The following SH3RF3 variants were observed in gnomAD, a reference collection of about 807,000 sequenced individuals.
SH3RF3 encodes SH3 domain containing ring finger 3.
SH3RF3 carries 29 observed loss-of-function variants against 66.3 expected under a neutral mutation model. The ratio of observed to expected loss-of-function variants is 0.44; its 90% CI spans 0.33 to 0.60. SH3RF3 has a LOEUF of 0.60. Ranked by LOEUF, SH3RF3 falls within the 20% of genes least tolerant of loss-of-function variation. SH3RF3 has a pLI of 0.04. For synonymous variants in SH3RF3, 583 were observed against 532.0 expected, an observed-to-expected ratio of 1.10 and a Z score of -1.32; for missense variants, 1,194 against 1,190.9, an observed-to-expected ratio of 1.00 and a Z score of -0.04.
At chr2:109,218,783 GT>G (rs1394048213) in intron 1 of SH3RF3, among the ~76,000 whole-genome samples, 1 of 152,184 alleles carries the variant, frequency 6.6e-6, no homozygotes, top group Admixed American at 6.5e-5. Context: ...TATATTTGCT[GT>G]TTCTTTAATG....
At chr2:109,155,978 C>T (rs1448606377) in intron 1 of SH3RF3, among the ~76,000 whole-genome samples, 2 of 152,226 alleles carry the variant, frequency 1.3e-5, no homozygotes, top group Non-Finnish European at 2.9e-5. Flanking sequence ...TCACTGAGCT[C>T]TGCAGGGATT....
intron 1 of SH3RF3, among the ~76,000 whole-genome samples, chr2:109,328,590 T>C (rs1574576606): frequency 6.6e-6 from 1 of 152,274 alleles, no homozygotes; most frequent in East Asian, 1.9e-4. Flanking sequence ...ATCATCTTTG[T>C]ACTTTCTAAT....
intron 5 of SH3RF3, among the ~76,000 whole-genome samples, chr2:109,428,566 G>A (rs1354112989): frequency 3.3e-5 from 5 of 152,222 alleles, no homozygotes; most frequent in Non-Finnish European, 7.3e-5. Flanking sequence ...GCCTGGAGGA[G>A]GCTGTACTTG....
chr2:109,417,300 G>A (rs897435358), intron 4 of SH3RF3, among the ~76,000 whole-genome samples: 4 of 152,162 alleles, frequency 2.6e-5, no homozygotes, highest in African/African-American at 7.2e-5. Flanking sequence ...CTCCATGGAT[G>A]GTGACTCATG....
chr2:109,475,839 C>T (rs1024913214), intron 8 of SH3RF3, among the ~76,000 whole-genome samples: 9 of 152,228 alleles, frequency 5.9e-5, no homozygotes, highest in African/African-American at 2.2e-4. Context: ...GCCTGGCTGC[C>T]TCTACCTTGG....
intron 1 of SH3RF3, chr2:109,141,587 C>T (rs1676950630): frequency 6.5e-6 from 1 of 154,924 alleles, no homozygotes; most frequent in Admixed American, 6.5e-5. Context: ...CAACCCACTG[C>T]ACTTTTCTCT....
At chr2:109,139,156 C>T (rs1302031056) in intron 1 of SH3RF3, among the ~76,000 whole-genome samples, 1 of 152,162 alleles carries the variant, frequency 6.6e-6, no homozygotes, top group African/African-American at 2.4e-5. Context: ...CCCAAATCTG[C>T]GTAACTTAAA....
chr2:109,493,842 C>T (rs1436259325), intron 9 of SH3RF3, among the ~76,000 whole-genome samples: 2 of 152,098 alleles, frequency 1.3e-5, no homozygotes, highest in Non-Finnish European at 2.9e-5. Context: ...ATCAAGCAAC[C>T]ACATAATACA....
intron 1 of SH3RF3, among the ~76,000 whole-genome samples, chr2:109,166,162 T>C (rs984506080): frequency 6.6e-6 from 1 of 152,096 alleles, no homozygotes. Flanking sequence ...GTTGGCTTTT[T>C]CCCTCAGTGC....
intron 2 of SH3RF3, among the ~76,000 whole-genome samples, chr2:109,370,243 TTC>T: frequency 7.5e-6 from 1 of 133,378 alleles, no homozygotes; most frequent in East Asian, 3.1e-4. Context: ...CTCTCTCTTT[TTC>T]TTTTTTTTTT....
At chr2:109,427,524 G>A (rs548410751) in intron 5 of SH3RF3, among the ~76,000 whole-genome samples, 5 of 152,170 alleles carry the variant, frequency 3.3e-5, no homozygotes, top group Non-Finnish European at 7.4e-5. Flanking sequence ...GCTCCAGGGT[G>A]AGGCCCCAGA....
intron 5 of SH3RF3, among the ~76,000 whole-genome samples, chr2:109,431,316 T>C (rs1159399134): frequency 6.6e-6 from 1 of 152,226 alleles, no homozygotes; most frequent in African/African-American, 2.4e-5. Context: ...GGTCTCTTAG[T>C]GAACTGAGGC....
chr2:109,490,461 C>G, intron 8 of SH3RF3, 144 bp from the exon 9 acceptor site: 1 of 683,184 alleles, frequency 1.5e-6, no homozygotes, highest in Non-Finnish European at 2.2e-6. Context: ...ACTGCTGTTG[C>G]TGTGAGTGGT....
intron 2 of SH3RF3, among the ~76,000 whole-genome samples, chr2:109,361,322 C>T (rs369532749): frequency 2.0e-5 from 3 of 152,122 alleles, no homozygotes; most frequent in Non-Finnish European, 4.4e-5. Flanking sequence ...ATTAGGGTAA[C>T]GTTAACCTCA....
Position 109,502,612 on chromosome 2 carries a change from G to A in SH3RF3, c.*941G>A, listed in dbSNP as rs1456786496. 1 of 152,184 alleles carries A rather than the reference G, an allele frequency of 6.6e-6. No homozygotes were observed. Among genetic ancestry groups the A allele is most frequent in the Non-Finnish European group, 1.5e-5 (1 of 68,052 alleles). The allele number at this position is 152,184 out of a possible 1,614,324, so 9.4% of individuals were successfully genotyped here. A position where few individuals can be genotyped will look rare whatever the true frequency, so the allele number is the denominator to read the frequency against. ...GGGGGTCGGAGGGAGCTTGGAAGCA[G>A]CCGGTTTCTTTAAACTCTTACCAAA... On this transcript the variant is annotated 3_prime_UTR_variant, in exon 10 of 10. Transcript: ENST00000309415.
At chr2:109,188,064 G>A (rs976126762) in intron 1 of SH3RF3, among the ~76,000 whole-genome samples, 31 of 152,222 alleles carry the variant, frequency 2.0e-4, no homozygotes, top group African/African-American at 7.2e-4. Context: ...CCCCGTGAGC[G>A]TAGTGAGTGG....
At chr2:109,181,330 TG>T (rs1462961285) in intron 1 of SH3RF3, among the ~76,000 whole-genome samples, 2 of 152,234 alleles carry the variant, frequency 1.3e-5, no homozygotes, top group Non-Finnish European at 2.9e-5. Flanking sequence ...GCAATTAACA[TG>T]GGTACATTAC....
At chr2:109,191,061 C>T (rs2105022647) in intron 1 of SH3RF3, among the ~76,000 whole-genome samples, 1 of 152,122 alleles carries the variant, frequency 6.6e-6, no homozygotes, top group Non-Finnish European at 1.5e-5. Flanking sequence ...AGAGTCTAAC[C>T]TCCTCTGTTG....
At chr2:109,319,272 T>C (rs974287942) in intron 1 of SH3RF3, among the ~76,000 whole-genome samples, 1 of 152,100 alleles carries the variant, frequency 6.6e-6, no homozygotes, top group Non-Finnish European at 1.5e-5. Flanking sequence ...TGAGAAAGAG[T>C]TGGTTCCTGG....
Sources: gnomAD v4.1 joint callset for allele counts (sites outside exome capture counted in the v4.1 genomes callset) on GRCh38, gnomAD v4.1.1 for gene constraint, MANE v1.5 for transcripts, NCBI Gene and HGNC (gene_info 2026-07-23, HGNC 2026-07-21) for gene names.